Variants in CTNNB1 observed in about 807,000 individuals in gnomAD.
The protein encoded by CTNNB1 is catenin beta-1.
Under a neutral mutation model 82.5 loss-of-function variants are expected in CTNNB1, and 6 were observed. The ratio of observed to expected loss-of-function variants is 0.07; its 90% confidence interval spans 0.04 to 0.14. The LOEUF is 0.14. Ranked by LOEUF, CTNNB1 falls within the 10% of genes least tolerant of loss-of-function variation. CTNNB1 has a pLI of 1.00. For synonymous variants in CTNNB1, 312 were observed against 329.7 expected, an observed-to-expected ratio of 0.95 and a Z score of 0.58; for missense variants, 529 against 980.4, an observed-to-expected ratio of 0.54 and a Z score of 6.15.
At chr3:41,207,167 A>G (rs2077668555) in intron 1 of CTNNB1, among the ~76,000 whole-genome samples, 1 of 152,180 alleles carries the variant, frequency 6.6e-6, no homozygotes. Flanking sequence ...GAATAAGAAG[A>G]GGCTAGAAAG....
intron 7 of CTNNB1, among the ~76,000 whole-genome samples, chr3:41,228,893 A>G (rs2078238643): frequency 6.6e-6 from 1 of 152,144 alleles, no homozygotes; most frequent in African/African-American, 2.4e-5. Context: ...TTCTGAGTTG[A>G]TTTTTGTACA....
intron 7 of CTNNB1, 140 bp downstream of exon 7, chr3:41,227,492 A>G: frequency 1.2e-6 from 1 of 841,626 alleles, no homozygotes; most frequent in Non-Finnish European, 2.0e-6. Context: ...ATTTACATTC[A>G]GAGTACCTGT....
intron 14 of CTNNB1, 142 bp downstream of exon 14, chr3:41,238,218 G>GT: frequency 6.7e-6 from 5 of 742,584 alleles, no homozygotes; most frequent in Non-Finnish European, 1.2e-5. Context: ...TTAAATTCCA[G>GT]TCAGCAACAG....
intron 1 of CTNNB1, among the ~76,000 whole-genome samples, chr3:41,215,213 T>TAA (rs10576683): frequency 1.3e-5 from 1 of 76,174 alleles, no homozygotes; most frequent in Non-Finnish European, 2.5e-5. Context: ...CTGTCTCCAT[T>TAA]AAAAAAAAAA....
At position 41,224,082 on chromosome 3, in the gene CTNNB1, G is replaced by C; in HGVS notation, c.13+1G>C. The C allele has an allele frequency of 6.2e-7, 1 of 1,613,806 alleles. No homozygotes were observed. The highest frequency in any genetic ancestry group is 8.5e-7 in the Non-Finnish European group (1 of 1,179,778). On this transcript the variant is annotated splice_donor_variant, in intron 2 of 14. Transcript: ENST00000349496. LOFTEE classifies it high-confidence loss of function. Reference sequence around the variant, plus strand: ...CCAGCGTGGACAATGGCTACTCAAGGTTTGTGTCATTAAATCTTTAGTTAC... The same window carrying C: ...CCAGCGTGGACAATGGCTACTCAAGCTTTGTGTCATTAAATCTTTAGTTAC...
rs780520120 is a variant in CTNNB1, at chr3:41,233,624, C to T, written c.1281C>T (p.Leu427=). ...GTGCAGCTGGAATTCTTTCTAACCT[C>T]ACTTGCAATAATTATAAGAACAAGA... is the stretch of plus-strand genomic sequence containing the variant. ...VTCAAGILSN[L]TCNNYKNKMM... Residue 427 remains leucine (L), a synonymous_variant, in exon 9 of 15, where the codon CTC becomes CTT. Transcript: ENST00000349496. 10 of 1,614,060 alleles carry T rather than the reference C, an allele frequency of 6.2e-6. No homozygotes were observed. Among genetic ancestry groups the T allele is most frequent in the Non-Finnish European group, 7.6e-6 (9 of 1,180,050 alleles).
In CTNNB1 at chr3:41,233,516, T is replaced by C. The variant is rs762735828; in HGVS notation, c.1186-13T>C. ...TATGTGCTTGTACTGACCATCTGTT[T>C]TTATCTCCATAGGAAGGGATGGAAG... On this transcript the variant is annotated splice_polypyrimidine_tract_variant and intron_variant, in intron 8 of 14. Transcript: ENST00000349496. 6.2e-7 allele frequency: 1 copy of C among 1,613,848 alleles called. No homozygotes were observed. Among genetic ancestry groups the C allele is most frequent in the Admixed American group, 1.7e-5 (1 of 60,004 alleles).
At chr3:41,232,459 C>G (rs1449307202) in intron 7 of CTNNB1, among the ~76,000 whole-genome samples, 1 of 152,070 alleles carries the variant, frequency 6.6e-6, no homozygotes, top group East Asian at 1.9e-4. Flanking sequence ...ATAAGAATTA[C>G]AGCAGATAGA....
chr3:41,209,473 C>G (rs1370447281), intron 1 of CTNNB1, among the ~76,000 whole-genome samples: 1 of 152,228 alleles, frequency 6.6e-6, no homozygotes, highest in African/African-American at 2.4e-5. Context: ...TCATCTTTCT[C>G]TCATACCACG....
chr3:41,239,073 TTC>T (rs2078509701), intron 14 of CTNNB1, 59 bp from the exon 15 acceptor site: 6 of 1,393,160 alleles, frequency 4.3e-6, no homozygotes, highest in Middle Eastern at 2.3e-4. Flanking sequence ...CTATGTCTGC[TTC>T]TCTCCTCTCT....
intron 3 of CTNNB1, 56 bp from the exon 4 acceptor site, chr3:41,224,898 A>G (rs2125619192): frequency 1.2e-6 from 2 of 1,612,142 alleles, no homozygotes; most frequent in South Asian, 2.2e-5. Context: ...TAGGATAGCA[A>G]ATACTTAGGT....
rs751897557 is a variant in CTNNB1 at position 41,239,138 on chromosome 3, T to G, written c.2142T>G (p.Pro714=). The G allele has an allele frequency of 5.6e-6, 9 of 1,613,816 alleles. No homozygotes were observed. The highest frequency in any genetic ancestry group is 7.6e-6 in the Non-Finnish European group (9 of 1,179,892). The change falls in exon 15 of 15, where the codon CCT becomes CCG. Residue 714 remains proline (P), a synonymous_variant. Coordinates refer to ENST00000349496, the MANE Select transcript of CTNNB1 (RefSeq NM_001904.4). ...GEPLGYRQDD[P]SYRSFHSGGY... is the part of the protein sequence containing the mutation. ...TTGACACCCTGACTCTTCTAGATCC[T>G]AGCTATCGTTCTTTTCACTCTGGTG... is the stretch of plus-strand genomic sequence containing the variant.
chr3:41,224,919 C>T (rs2125619308), intron 3 of CTNNB1, 35 bp from the exon 4 acceptor site: 5 of 1,614,026 alleles, frequency 3.1e-6, no homozygotes, highest in Non-Finnish European at 3.4e-6. Flanking sequence ...AAATGCTGAA[C>T]TGTGGATAGT....
chr3:41,214,020 A>T (rs2077858193), intron 1 of CTNNB1, among the ~76,000 whole-genome samples: 1 of 152,226 alleles, frequency 6.6e-6, no homozygotes, highest in Non-Finnish European at 1.5e-5. Context: ...AGAAGGTTTC[A>T]AAAGTTTAAG....
chr3:41,224,540 T>C lies in CTNNB1; in HGVS notation c.28T>C (p.Leu10=). The change falls in exon 3 of 15, where the codon TTG becomes CTG. Residue 10 remains leucine, a synonymous_variant. Coordinates refer to ENST00000349496, the MANE Select transcript of CTNNB1 (RefSeq NM_001904.4). MATQADLME[L]DMAMEPDRKA... ...CGTATTTATAGCTGATTTGATGGAG[T>C]TGGACATGGCCATGGAACCAGACAG... The C allele has an allele frequency of 2.5e-6, 4 of 1,613,864 alleles. No homozygotes were observed. The highest frequency in any genetic ancestry group is 3.4e-6 in the Non-Finnish European group (4 of 1,179,896).
intron 7 of CTNNB1, 133 bp downstream of exon 7, chr3:41,227,485 T>C: frequency 1.1e-6 from 1 of 906,948 alleles, no homozygotes; most frequent in Non-Finnish European, 1.8e-6. Context: ...AGCCAAGATT[T>C]ACATTCAGAG....
Position 41,233,410 on chromosome 3 carries a change from C to G in CTNNB1, c.1151C>G (p.Thr384Ser), listed in dbSNP as rs2125637890. The G allele has an allele frequency of 6.2e-7, 1 of 1,614,182 alleles. No homozygotes were observed. Among genetic ancestry groups the G allele is most frequent in the South Asian group, 1.1e-5 (1 of 91,082 alleles). Residue 384 changes from threonine to serine, a missense_variant, in exon 8 of 15, where the codon ACT (threonine) becomes AGT (serine). Physicochemically the swap from Thr to Ser is moderately conservative, Grantham distance 58 (BLOSUM62 1). Transcript: ENST00000349496. ...CGTCTTGTTCAGAACTGTCTTTGGA[C>G]TCTCAGGAATCTTTCAGATGCTGCA... ...SQRLVQNCLW[T>S]LRNLSDAATK...
At chr3:41,224,301 T>A in intron 2 of CTNNB1, 1 of 706,194 alleles carries the variant, frequency 1.4e-6, no homozygotes, top group Non-Finnish European at 2.4e-6. Flanking sequence ...CTGGATGCAG[T>A]ACCATTCTTC....
intron 9 of CTNNB1, 85 bp downstream of exon 9, chr3:41,233,952 G>A: frequency 6.8e-7 from 1 of 1,472,220 alleles, no homozygotes; most frequent in Non-Finnish European, 9.5e-7. Flanking sequence ...TAAGCATAGT[G>A]ATCAATAAGT....
Sources: allele counts gnomAD v4.1 joint callset (sites outside exome capture counted in the v4.1 genomes callset), GRCh38; gene constraint gnomAD v4.1.1; transcripts MANE v1.5; gene names NCBI Gene and HGNC (gene_info 2026-07-23, HGNC 2026-07-21).